Variants in MSRB3 observed in about 807,000 individuals in gnomAD.
MSRB3 encodes the protein methionine-R-sulfoxide reductase B3.
In MSRB3, 13 loss-of-function variants were observed where a neutral mutation model predicts 21.0. The observed-to-expected ratio is 0.62, with a 90% CI of 0.40 to 0.98. The LOEUF is 0.98. MSRB3 is among the 50% of genes least tolerant of loss of function. MSRB3 has a pLI of 0.00. For synonymous variants in MSRB3, 87 were observed against 88.6 expected, an observed-to-expected ratio of 0.98 and a Z score of 0.10; for missense variants, 199 against 230.3, an observed-to-expected ratio of 0.86 and a Z score of 0.88.
intron 2 of MSRB3, among the ~76,000 whole-genome samples, chr12:65,314,029 C>A (rs940370051): frequency 6.6e-6 from 1 of 152,088 alleles, no homozygotes; most frequent in Admixed American, 6.6e-5. Context: ...GATTTATAAT[C>A]CACAAATTTT....
intron 5 of MSRB3, among the ~76,000 whole-genome samples, chr12:65,387,144 A>G (rs1879233699): frequency 6.6e-6 from 1 of 152,100 alleles, no homozygotes; most frequent in Admixed American, 6.5e-5. Context: ...ATATAGTTTG[A>G]GAATGAAAGG....
chr12:65,295,905 C>G (rs1872935432), intron 1 of MSRB3, among the ~76,000 whole-genome samples: 4 of 152,136 alleles, frequency 2.6e-5, no homozygotes, highest in Non-Finnish European at 5.9e-5. Context: ...TTCTCAGGGT[C>G]ACAATGCACA....
chr12:65,445,538 T>C (rs983217790), intron 5 of MSRB3, among the ~76,000 whole-genome samples: 2 of 151,696 alleles, frequency 1.3e-5, no homozygotes, highest in South Asian at 4.2e-4. Flanking sequence ...AATAGTATAT[T>C]GTATTTAAAT....
At chr12:65,451,773 TTC>T (rs1190337979) in intron 5 of MSRB3, among the ~76,000 whole-genome samples, 1 of 152,246 alleles carries the variant, frequency 6.6e-6, no homozygotes, top group Non-Finnish European at 1.5e-5. Context: ...TATGATTTTA[TTC>T]TCTCTCTTTC....
intron 2 of MSRB3, among the ~76,000 whole-genome samples, chr12:65,321,002 C>G (rs1874626441): frequency 2.0e-5 from 3 of 152,152 alleles, no homozygotes; most frequent in Admixed American, 6.5e-5. Flanking sequence ...CAGACACCTT[C>G]CTCTCCTCCT....
At position 65,354,788 on chromosome 12, in the gene MSRB3, A is replaced by G. The variant is rs1056687585; in HGVS notation, c.264-14210A>G. On this transcript the variant is annotated intron_variant, in intron 4 of 6. Coordinates refer to ENST00000308259, the MANE Select transcript of MSRB3 (RefSeq NM_001031679.3). ...AATATTAGAAAATTTAGAAAAGGCA[A>G]TTTTAGTGGAAGTAGTAGTGAAAGT... 3.3e-5 allele frequency among the ~76,000 whole-genome samples: 5 copies of G among 152,022 alleles called. 1 individual carries two copies. The highest frequency in any genetic ancestry group is 2.0e-4 in the Admixed American group (3 of 15,242).
chr12:65,362,490 T>C (rs1009434412), intron 4 of MSRB3, among the ~76,000 whole-genome samples: 4 of 152,168 alleles, frequency 2.6e-5, no homozygotes, highest in Non-Finnish European at 2.9e-5. Context: ...GCACATTTTT[T>C]AGCACTCTTC....
chr12:65,423,303 A>T (rs947682508), intron 5 of MSRB3, among the ~76,000 whole-genome samples: 2 of 152,182 alleles, frequency 1.3e-5, no homozygotes, highest in Non-Finnish European at 2.9e-5. Context: ...AAACAGGGAC[A>T]GTTAAACTTC....
chr12:65,324,560 T>C (rs1206783336), intron 2 of MSRB3, among the ~76,000 whole-genome samples: 1 of 152,232 alleles, frequency 6.6e-6, no homozygotes, highest in Non-Finnish European at 1.5e-5. Flanking sequence ...GTTTTCAATT[T>C]TACCTTTTTT....
chr12:65,465,920 C>G lies in MSRB3; in HGVS notation c.*2598C>G, dbSNP rs1883550822. 1 of 152,216 alleles carries G rather than the reference C, an allele frequency of 6.6e-6. No homozygotes were observed. Among genetic ancestry groups the G allele is most frequent in the Non-Finnish European group, 1.5e-5 (1 of 68,118 alleles). The allele number at this position is 152,216 out of a possible 1,614,324, so 9.4% of individuals were successfully genotyped here. A position where few individuals can be genotyped will look rare whatever the true frequency, so the allele number is the denominator to read the frequency against. On this transcript the variant is annotated 3_prime_UTR_variant, in exon 7 of 7. Transcript: ENST00000308259. ...TCAGGGCTTTGCCACAGCCTCCAGC[C>G]CATCCTTCAGAGGCACACACAGCAC...
intron 4 of MSRB3, among the ~76,000 whole-genome samples, chr12:65,367,123 A>C (rs1878056308): frequency 6.6e-6 from 1 of 152,232 alleles, no homozygotes; most frequent in Non-Finnish European, 1.5e-5. Flanking sequence ...GATTGCACTG[A>C]TTCAAGGACC....
At chr12:65,325,194 T>C (rs1306836184) in intron 2 of MSRB3, among the ~76,000 whole-genome samples, 1 of 152,214 alleles carries the variant, frequency 6.6e-6, no homozygotes, top group Non-Finnish European at 1.5e-5. Context: ...CTTGTTCTGA[T>C]AGGACAGACA....
chr12:65,430,796 G>A (rs1410480840), intron 5 of MSRB3, among the ~76,000 whole-genome samples: 2 of 151,968 alleles, frequency 1.3e-5, no homozygotes, highest in Non-Finnish European at 2.9e-5. Context: ...CTACTCCTAA[G>A]CTGACCTGTT....
intron 5 of MSRB3, among the ~76,000 whole-genome samples, chr12:65,450,580 A>T (rs1882812037): frequency 6.6e-6 from 1 of 152,204 alleles, no homozygotes; most frequent in Non-Finnish European, 1.5e-5. Flanking sequence ...TTCTTTTAAA[A>T]AGTGCATGGA....
At chr12:65,313,485 A>G (rs1252865560) in intron 2 of MSRB3, among the ~76,000 whole-genome samples, 1 of 152,070 alleles carries the variant, frequency 6.6e-6, no homozygotes, top group Non-Finnish European at 1.5e-5. Context: ...CTTCTTTTCC[A>G]GAAAAGACAT....
At chr12:65,426,504 T>C (rs1458397898) in intron 5 of MSRB3, among the ~76,000 whole-genome samples, 2 of 152,202 alleles carry the variant, frequency 1.3e-5, no homozygotes, top group African/African-American at 2.4e-5. Context: ...ACAGTTTGAT[T>C]ATAGTATGTC....
intron 5 of MSRB3, among the ~76,000 whole-genome samples, chr12:65,450,687 A>G (rs1475802594): frequency 6.6e-6 from 1 of 152,206 alleles, no homozygotes; most frequent in East Asian, 1.9e-4. Context: ...AAACTGACAT[A>G]AACACACTCC....
chr12:65,309,400 T>C (rs1292039315), intron 2 of MSRB3, among the ~76,000 whole-genome samples: 2 of 152,216 alleles, frequency 1.3e-5, no homozygotes, highest in African/African-American at 2.4e-5. Flanking sequence ...TATCACTACA[T>C]TGTGTAAGGA....
At chr12:65,406,671 C>T (rs2136615346) in intron 5 of MSRB3, among the ~76,000 whole-genome samples, 1 of 152,308 alleles carries the variant, frequency 6.6e-6, no homozygotes, top group East Asian at 1.9e-4. Flanking sequence ...CAGCATCACA[C>T]CACCTGGTTT....
Sources: allele counts gnomAD v4.1 joint callset (sites outside exome capture counted in the v4.1 genomes callset), GRCh38; gene constraint gnomAD v4.1.1; transcripts MANE v1.5; gene names NCBI Gene and HGNC (gene_info 2026-07-23, HGNC 2026-07-21).